SELENOT: variants seen among roughly 807,000 people sequenced by gnomAD.
SELENOT encodes the protein selenoprotein T.
In SELENOT, 9 loss-of-function variants were observed where a neutral mutation model predicts 24.3. That is an observed-to-expected ratio of 0.37 (90% CI 0.22 to 0.65). The LOEUF is 0.65. Ranked by LOEUF, SELENOT falls within the 30% of genes least tolerant of loss-of-function variation. SELENOT has a pLI of 0.60. For synonymous variants in SELENOT, 81 were observed against 86.0 expected, an observed-to-expected ratio of 0.94 and a Z score of 0.32; for missense variants, 166 against 247.6, an observed-to-expected ratio of 0.67 and a Z score of 2.21.
At chr3:150,620,498 A>C (rs1408188925) in intron 1 of SELENOT, among the ~76,000 whole-genome samples, 1 of 152,226 alleles carries the variant, frequency 6.6e-6, no homozygotes, top group African/African-American at 2.4e-5. Flanking sequence ...GTTACTCACC[A>C]CTAAATACTC....
At chr3:150,604,753 A>G (rs901593638) in intron 1 of SELENOT, among the ~76,000 whole-genome samples, 1 of 152,156 alleles carries the variant, frequency 6.6e-6, no homozygotes, top group African/African-American at 2.4e-5. Context: ...AAAAACAAAC[A>G]AGGCCGGGCT....
At chr3:150,621,890 C>T (rs1726353220) in intron 1 of SELENOT, among the ~76,000 whole-genome samples, 1 of 151,842 alleles carries the variant, frequency 6.6e-6, no homozygotes, top group South Asian at 2.1e-4. Context: ...TTCTCTCATG[C>T]CTTGATTTTT....
chr3:150,606,361 G>A (rs950603112), intron 1 of SELENOT, among the ~76,000 whole-genome samples: 1 of 151,316 alleles, frequency 6.6e-6, no homozygotes, highest in South Asian at 2.1e-4. Context: ...CAGGCTGTGT[G>A]TAATACCTGC....
At chr3:150,609,423 C>T (rs1215661784) in intron 1 of SELENOT, among the ~76,000 whole-genome samples, 2 of 152,196 alleles carry the variant, frequency 1.3e-5, no homozygotes, top group Admixed American at 6.5e-5. Context: ...AGTCATTGCT[C>T]ATTGTAGCCT....
chr3:150,618,551 C>T (rs1180273925), intron 1 of SELENOT, among the ~76,000 whole-genome samples: 3 of 152,150 alleles, frequency 2.0e-5, no homozygotes, highest in African/African-American at 7.2e-5. Context: ...TGAACACATA[C>T]TGCTCTGTCA....
intron 1 of SELENOT, among the ~76,000 whole-genome samples, chr3:150,605,808 G>A (rs189428477): frequency 6.6e-6 from 1 of 152,086 alleles, no homozygotes; most frequent in East Asian, 1.9e-4. Flanking sequence ...TAATTTGCAA[G>A]TTTGTTTGAG....
intron 1 of SELENOT, among the ~76,000 whole-genome samples, chr3:150,604,206 G>T (rs969527933): frequency 6.6e-6 from 1 of 152,146 alleles, no homozygotes; most frequent in African/African-American, 2.4e-5. Flanking sequence ...GCCTGCTCTG[G>T]CATCTCTTTC....
At chr3:150,608,573 G>C (rs186128801) in intron 1 of SELENOT, among the ~76,000 whole-genome samples, 130 of 152,202 alleles carry the variant, frequency 8.5e-4, no homozygotes, top group Admixed American at 1.3e-3. Context: ...TTCAAGACCA[G>C]CCTGGGCAAC....
intron 1 of SELENOT, among the ~76,000 whole-genome samples, chr3:150,619,249 T>C (rs1726286237): frequency 6.6e-6 from 1 of 150,544 alleles, no homozygotes; most frequent in East Asian, 2.0e-4. Context: ...GATTTCTTTT[T>C]GGCTAGGCAT....
rs771411950 is a variant in SELENOT, at chr3:150,603,472, C to G, written c.110C>G (p.Thr37Arg). The change falls in exon 1 of 6, where the codon ACG (threonine) becomes AGG (arginine). Residue 37 changes from threonine (T) to arginine (R), a missense_variant. Coordinates refer to ENST00000471696, the MANE Select transcript of SELENOT (RefSeq NM_016275.5). Reference sequence around the variant, plus strand: ...AAGAGATTAAAGATGCAGTACGCCACGGGGCCGCTGCTCAAGTTCCAGATT... The same window carrying G: ...AAGAGATTAAAGATGCAGTACGCCAGGGGGCCGCTGCTCAAGTTCCAGATT... ...PSKRLKMQYA[T>R]GPLLKFQICV... 3.1e-6 allele frequency: 5 copies of G among 1,608,772 alleles called. No homozygotes were observed. The highest frequency in any genetic ancestry group is 4.3e-6 in the Non-Finnish European group (5 of 1,176,362).
Position 150,629,755 on chromosome 3 carries a change from G to A in SELENOT, c.*2126G>A, listed in dbSNP as rs1215912821. 6.6e-6 allele frequency: 1 copy of A among 152,536 alleles called. No homozygotes were observed. The highest frequency in any genetic ancestry group is 1.9e-4 in the East Asian group (1 of 5,200). 9.4% of individuals were successfully genotyped at this position (152,536 alleles called of 1,614,324 possible). On this transcript the variant is annotated 3_prime_UTR_variant, in exon 6 of 6. Coordinates refer to ENST00000471696, the MANE Select transcript of SELENOT (RefSeq NM_016275.5). ...CCATATTTAAATCTTGAATTTAATA[G>A]AGTCTAGTGAAAAAAATGAGTGGGA...
At position 150,614,413 on chromosome 3, in the gene SELENOT, T is replaced by G. The variant is rs532432999; in HGVS notation, c.138-7972T>G. ...GATGTGACTAGAAATGGAGGTGGGT[T>G]TTTTTTTTTTTTAATGGAGGATTTT... On this transcript the variant is annotated intron_variant, in intron 1 of 5. Coordinates refer to ENST00000471696, the MANE Select transcript of SELENOT (RefSeq NM_016275.5). 2.7e-3 allele frequency among the ~76,000 whole-genome samples: 390 copies of G among 146,602 alleles called. 2 individuals are homozygous for G. The highest frequency in any genetic ancestry group is 5.5e-3 in the African/African-American group (221 of 40,108).
At chr3:150,621,451 G>T (rs1186790307) in intron 1 of SELENOT, among the ~76,000 whole-genome samples, 1 of 151,828 alleles carries the variant, frequency 6.6e-6, no homozygotes, top group African/African-American at 2.4e-5. Flanking sequence ...TACTGACCCT[G>T]CTTCCTCTGT....
intron 1 of SELENOT, among the ~76,000 whole-genome samples, chr3:150,613,154 T>C (rs1726133507): frequency 6.6e-6 from 1 of 152,236 alleles, no homozygotes; most frequent in Non-Finnish European, 1.5e-5. Flanking sequence ...TTCTTTCTCA[T>C]AGTTCTGGAG....
rs753127847 is a variant in SELENOT, at chr3:150,624,798, AT to A, written c.376-13del. 8 of 1,503,176 alleles carry A rather than the reference AT, an allele frequency of 5.3e-6. No homozygotes were observed. In the South Asian group the frequency reaches 1.0e-4, roughly 19 times the overall value. The allele number at this position is 1,503,176 out of a possible 1,614,324, so 93.1% of individuals were successfully genotyped here. On this transcript the variant is annotated splice_polypyrimidine_tract_variant and intron_variant, in intron 3 of 5. Transcript: ENST00000471696. ...ATGACTTTGCCTGTTGTGCTTAATT[AT>A]ATTTTCTTTTAGGTTTATGCATGTA... is the stretch of plus-strand genomic sequence containing the variant.
intron 3 of SELENOT, among the ~76,000 whole-genome samples, chr3:150,624,348 T>G (rs1299436145): frequency 6.6e-6 from 1 of 152,182 alleles, no homozygotes; most frequent in Non-Finnish European, 1.5e-5. Flanking sequence ...TTAGCCGCTT[T>G]TGGGAGAGAG....
At chr3:150,614,686 A>G in intron 1 of SELENOT, 1 of 153,526 alleles carries the variant, frequency 6.5e-6, no homozygotes, top group Admixed American at 6.6e-5. Flanking sequence ...AGATGGAAGA[A>G]CTTTAAAATC....
At chr3:150,621,557 T>C (rs539998405) in intron 1 of SELENOT, among the ~76,000 whole-genome samples, 1 of 151,974 alleles carries the variant, frequency 6.6e-6, no homozygotes, top group African/African-American at 2.4e-5. Flanking sequence ...AGTTCTTCTG[T>C]TGATATAAAT....
intron 1 of SELENOT, among the ~76,000 whole-genome samples, chr3:150,620,454 C>T (rs1486540109): frequency 6.6e-6 from 1 of 152,176 alleles, no homozygotes; most frequent in Admixed American, 6.5e-5. Context: ...CTGGTCCCAT[C>T]CCTGGCACTC....
Sources: gnomAD v4.1 joint callset for allele counts (sites outside exome capture counted in the v4.1 genomes callset) on GRCh38, gnomAD v4.1.1 for gene constraint, MANE v1.5 for transcripts, NCBI Gene and HGNC (gene_info 2026-07-23, HGNC 2026-07-21) for gene names.